NEXMIF: variants seen among roughly 807,000 people sequenced by gnomAD.
NEXMIF encodes the protein neurite extension and migration factor, also known as XLMR protein related to neurite extension.
In NEXMIF, 8 loss-of-function variants were observed where a neutral mutation model predicts 62.1. The observed-to-expected ratio is 0.13, with a 90% confidence interval of 0.08 to 0.23. The LOEUF (loss-of-function observed/expected upper bound fraction) is 0.23, where lower values mean the gene tolerates loss of function less well. Among genes scored for constraint, NEXMIF ranks in the 10% least tolerant of loss-of-function variants. The pLI is 1.00. For missense variants in NEXMIF, 976 were observed against 1,113.3 expected (o/e 0.88, Z 1.75); for synonymous variants, 404 against 416.6 (o/e 0.97, Z 0.37).
At position 74,771,094 on chromosome X, in the gene NEXMIF, A is replaced by G. The variant is rs2080208744; in HGVS notation, c.-47-25397T>C. ...TTTGCATACTCTATACCTTTATCAAATTGGTTGTTTTAGTATATTTATAAT... is the reference window on the plus strand; with the variant it reads ...TTTGCATACTCTATACCTTTATCAAGTTGGTTGTTTTAGTATATTTATAAT... On this transcript the variant is annotated intron_variant, in intron 1 of 3. Transcript: ENST00000055682. Among the ~76,000 whole-genome samples, 4 of 111,960 alleles carry G rather than the reference A, an allele frequency of 3.6e-5. No individual in the cohort carries two copies. The Admixed American group carries it at 3.8e-4, about 11-fold the overall frequency.
intron 1 of NEXMIF, among the ~76,000 whole-genome samples, chrX:74,866,272 G>A (rs183440179): frequency 4.8e-4 from 54 of 111,646 alleles, no homozygotes; most frequent in Non-Finnish European, 7.9e-4. Flanking sequence ...TTTAATGACA[G>A]CCTGATTGGA....
chrX:74,883,693 C>G (rs1209793272), intron 1 of NEXMIF, among the ~76,000 whole-genome samples: 2 of 111,953 alleles, frequency 1.8e-5, no homozygotes, highest in African/African-American at 3.2e-5. Flanking sequence ...AAGTGACGGG[C>G]AGAATGGAAC....
At chrX:74,861,769 A>G (rs1006799139) in intron 1 of NEXMIF, among the ~76,000 whole-genome samples, 4 of 111,873 alleles carry the variant, frequency 3.6e-5, no homozygotes, top group African/African-American at 1.3e-4. Context: ...AAGAAGAAAT[A>G]AAGTCCTTTT....
intron 1 of NEXMIF, among the ~76,000 whole-genome samples, chrX:74,796,831 T>C (rs972908878): frequency 1.8e-5 from 2 of 111,787 alleles, no homozygotes; most frequent in African/African-American, 3.2e-5. Flanking sequence ...AAATAATGTA[T>C]GTAGATACTC....
Position 74,766,568 on chromosome X carries a change from A to G in NEXMIF, c.-47-20871T>C, listed in dbSNP as rs138161471. Among the ~76,000 whole-genome samples the G allele has an allele frequency of 4.3e-3, 479 of 111,814 alleles. 1 individual carries two copies. Among genetic ancestry groups the G allele is most frequent in the African/African-American group, 0.015 (462 of 30,797 alleles). ...GTGAAATTCTTGTCTTGTGTTTTTC[A>G]GCTCTATCAGATCTGTTAGTTTCCT... On this transcript the variant is annotated intron_variant, in intron 1 of 3. Coordinates refer to ENST00000055682, the MANE Select transcript of NEXMIF (RefSeq NM_001008537.3).
intron 1 of NEXMIF, among the ~76,000 whole-genome samples, chrX:74,847,615 T>A (rs1359273718): frequency 8.9e-6 from 1 of 111,791 alleles, no homozygotes; most frequent in Non-Finnish European, 1.9e-5. Flanking sequence ...TGAATTTTCA[T>A]ATGTAACTAC....
At chrX:74,806,715 T>G (rs1433956982) in intron 1 of NEXMIF, among the ~76,000 whole-genome samples, 1 of 112,908 alleles carries the variant, frequency 8.9e-6, no homozygotes, top group African/African-American at 3.2e-5. Flanking sequence ...TATTTAGGTC[T>G]ATGATACTTT....
At chrX:74,855,298 G>T (rs758824392) in intron 1 of NEXMIF, among the ~76,000 whole-genome samples, 9 of 112,117 alleles carry the variant, frequency 8.0e-5, no homozygotes, top group African/African-American at 2.3e-4. Flanking sequence ...AAGGCACAAA[G>T]AACGTACATT....
chrX:74,858,979 GA>G (rs1487391669), intron 1 of NEXMIF, among the ~76,000 whole-genome samples: 7 of 109,359 alleles, frequency 6.4e-5, no homozygotes, highest in African/African-American at 2.0e-4. Flanking sequence ...GTAGACAAAA[GA>G]AAAAAATAGA....
intron 1 of NEXMIF, among the ~76,000 whole-genome samples, chrX:74,793,326 G>A (rs1366697332): frequency 9.2e-6 from 1 of 108,630 alleles, no homozygotes; most frequent in African/African-American, 3.4e-5. Context: ...TGGCTTGTAG[G>A]GTTTCTGCCG....
intron 1 of NEXMIF, among the ~76,000 whole-genome samples, chrX:74,852,887 T>A (rs747151527): frequency 2.7e-5 from 3 of 110,724 alleles, no homozygotes; most frequent in Non-Finnish European, 5.7e-5. Flanking sequence ...GCACCCCAAG[T>A]ACTAGAAAAG....
chrX:74,895,739 A>T (rs1449369994), intron 1 of NEXMIF, among the ~76,000 whole-genome samples: 1 of 109,740 alleles, frequency 9.1e-6, no homozygotes, highest in Non-Finnish European at 1.9e-5. Flanking sequence ...AAATCAAAAC[A>T]ATTGAAGTCA....
chrX:74,852,018 G>A (rs1188708771), intron 1 of NEXMIF, among the ~76,000 whole-genome samples: 1 of 110,183 alleles, frequency 9.1e-6, no homozygotes, highest in Non-Finnish European at 1.9e-5. Context: ...AGATATAGAT[G>A]GGCTGAATGG....
intron 1 of NEXMIF, among the ~76,000 whole-genome samples, chrX:74,750,453 G>A (rs2080138562): frequency 8.9e-6 from 1 of 111,970 alleles, no homozygotes; most frequent in African/African-American, 3.3e-5. Flanking sequence ...GACCTTAGCT[G>A]TCACACTGGA....
chrX:74,921,394 G>A (rs1463696004), intron 1 of NEXMIF, among the ~76,000 whole-genome samples: 1 of 111,855 alleles, frequency 8.9e-6, no homozygotes, highest in African/African-American at 3.3e-5. Context: ...TACAAACAGA[G>A]CCACTTGTTG....
chrX:74,764,282 ATATGT>A (rs1481134955), intron 1 of NEXMIF, among the ~76,000 whole-genome samples: 1 of 111,332 alleles, frequency 9.0e-6, no homozygotes, highest in East Asian at 2.8e-4. Context: ...ATTGATTTGG[ATATGT>A]TGAACCAGCT....
intron 1 of NEXMIF, among the ~76,000 whole-genome samples, chrX:74,791,445 T>G (rs999937134): frequency 3.6e-5 from 4 of 111,307 alleles, no homozygotes; most frequent in Admixed American, 9.5e-5. Flanking sequence ...TCTCTTTTTT[T>G]GTTGTGTCTC....
chrX:74,743,202 G>C lies in NEXMIF; in HGVS notation c.1355C>G (p.Ala452Gly). 2.5e-6 allele frequency: 3 copies of C among 1,210,720 alleles called. No individual in the cohort carries two copies. The highest frequency in any genetic ancestry group is 3.4e-6 in the Non-Finnish European group (3 of 894,904). ...ACTACAGTCCTTGATCTCACCCATAGCATCATATGAGATCTCAATGAAGGA... is the reference window on the plus strand; with the variant it reads ...ACTACAGTCCTTGATCTCACCCATACCATCATATGAGATCTCAATGAAGGA... Reference protein sequence around the residue: ...DSSFIEISYDAMGEIKDCSRY... With the variant: ...DSSFIEISYDGMGEIKDCSRY... Residue 452 changes from alanine to glycine, a missense_variant, in exon 3 of 4, where the codon GCT becomes GGT. Ala to Gly is a moderately conservative substitution (Grantham distance 60). Transcript: ENST00000055682.
chrX:74,830,690 A>G (rs758281711), intron 1 of NEXMIF, among the ~76,000 whole-genome samples: 3 of 112,163 alleles, frequency 2.7e-5, no homozygotes, highest in Non-Finnish European at 5.6e-5. Context: ...ATGAACATGG[A>G]ATATCTTTCC....
Sources: allele counts gnomAD v4.1 joint callset (sites outside exome capture counted in the v4.1 genomes callset), GRCh38; gene constraint gnomAD v4.1.1; transcripts MANE v1.5; gene names NCBI Gene and HGNC (gene_info 2026-07-23, HGNC 2026-07-21).